COL2A1: variants seen among roughly 807,000 people sequenced by gnomAD.
The protein encoded by COL2A1 is collagen alpha-1(II) chain.
COL2A1 carries 28 observed loss-of-function variants against 204.5 expected under a neutral mutation model. The observed-to-expected ratio is 0.14, with a 90% CI of 0.10 to 0.19. COL2A1 has a LOEUF of 0.19. Among genes scored for constraint, COL2A1 ranks in the 10% least tolerant of loss-of-function variants. COL2A1 has a pLI of 1.00. For missense variants in COL2A1, 1,388 were observed against 2,027.5 expected (o/e 0.68, Z 6.06); for synonymous variants, 708 against 718.7 (o/e 0.99, Z 0.24).
intron 27 of COL2A1, 35 bp from the exon 28 acceptor site, chr12:47,984,634 T>C: frequency 6.2e-7 from 1 of 1,609,470 alleles, no homozygotes; most frequent in Non-Finnish European, 8.5e-7. Context: ...ATGAGGCGGA[T>C]GGTTTGGGAG....
chr12:47,985,507 C>T (rs1331775886), intron 26 of COL2A1, 27 bp downstream of exon 26: 2 of 1,611,054 alleles, frequency 1.2e-6, no homozygotes, highest in South Asian at 1.1e-5. Context: ...CCCCACCCTC[C>T]TAGCAGCCCT....
intron 22 of COL2A1, 128 bp from the exon 23 acceptor site, chr12:47,986,571 G>A (rs1180494543): frequency 1.4e-6 from 1 of 727,160 alleles, no homozygotes; most frequent in Non-Finnish European, 2.4e-6. Context: ...GAGGACGAGA[G>A]GCCATAAAGG....
intron 21 of COL2A1, 78 bp from the exon 22 acceptor site, chr12:47,986,966 C>A: frequency 6.3e-7 from 1 of 1,598,434 alleles, no homozygotes; most frequent in East Asian, 2.2e-5. Flanking sequence ...GTTCAAGATG[C>A]CCTCGGATGG....
chr12:47,984,214 A>G, intron 28 of COL2A1, 74 bp from the exon 29 acceptor site: 1 of 1,415,692 alleles, frequency 7.1e-7, no homozygotes, highest in Non-Finnish European at 9.8e-7. Flanking sequence ...GATTGGGCAA[A>G]GGTACTTCTG....
In COL2A1 at chr12:47,975,377, G is replaced by A. The variant is rs369672046; in HGVS notation, c.3826C>T (p.Arg1276Cys). Residue 1276 changes from arginine to cysteine, a missense_variant, in exon 51 of 54, where the codon CGC (arginine) becomes TGC (cysteine). Arg to Cys is a radical substitution (Grantham distance 180). This residue lies in a region of COL2A1 where 303 missense variants were observed against 369.2 expected (regional missense o/e 0.82). Coordinates refer to ENST00000380518, the MANE Select transcript of COL2A1 (RefSeq NM_001844.5). ...IESIRSPEGSRKNPARTCRDL... is the reference protein window; with the variant it reads ...IESIRSPEGSCKNPARTCRDL... ...CTGCAGGTGCGAGCAGGGTTCTTGC[G>A]GGAGCCCTCGGGGCTGCGGATGCTC... 10 of 1,614,054 alleles carry A rather than the reference G, an allele frequency of 6.2e-6. No individual in the cohort carries two copies. The highest frequency in any genetic ancestry group is 2.2e-5 in the South Asian group (2 of 91,084).
chr12:47,981,347 G>A lies in COL2A1; in HGVS notation c.2459C>T (p.Ala820Val). 1 of 1,612,890 alleles carries A rather than the reference G, an allele frequency of 6.2e-7. No homozygotes were observed. Among genetic ancestry groups the A allele is most frequent in the Non-Finnish European group, 8.5e-7 (1 of 1,179,860 alleles). ...GPAGSAGARGAPGERGETGPP... is the reference protein window; with the variant it reads ...GPAGSAGARGVPGERGETGPP... ...CTCAGAGGGGCAGACACTCACCGGA[G>A]CGCCACGAGCACCAGCACTTCCTGC... The change falls in exon 37 of 54, where the codon GCT becomes GTT. Residue 820 changes from alanine (A) to valine (V), a missense_variant. Physicochemically the swap from Ala to Val is moderately conservative, Grantham distance 64. This residue lies in a region of COL2A1 where 884 missense variants were observed against 1,415.8 expected (regional missense o/e 0.62). Transcript: ENST00000380518.
At chr12:47,999,655 T>TTTTA in intron 2 of COL2A1, 1 of 185,846 alleles carries the variant, frequency 5.4e-6, no homozygotes, top group Non-Finnish European at 1.1e-5. Context: ...TTTTTTTTTG[T>TTTTA]AGAATCACAT....
chr12:48,003,679 T>C (rs1318739494), intron 1 of COL2A1, among the ~76,000 whole-genome samples: 1 of 152,166 alleles, frequency 6.6e-6, no homozygotes, highest in Non-Finnish European at 1.5e-5. Context: ...CTTTGTGGCC[T>C]GGGATTTCAG....
intron 15 of COL2A1, 68 bp from the exon 16 acceptor site, chr12:47,992,999 C>A: frequency 6.8e-7 from 1 of 1,474,876 alleles, no homozygotes; most frequent in South Asian, 1.2e-5. Context: ...CCATTTCTAC[C>A]TGCAGGCCCT....
intron 1 of COL2A1, chr12:48,001,080 C>G (rs987890289): frequency 2.0e-5 from 3 of 152,478 alleles, no homozygotes; most frequent in East Asian, 3.9e-4. Flanking sequence ...AGCGCCCTGC[C>G]GTCTGGAATT....
chr12:47,973,541 T>G lies in COL2A1; in HGVS notation c.4330A>C (p.Lys1444Gln). The G allele has an allele frequency of 6.2e-7, 1 of 1,614,032 alleles. No homozygotes were observed. The highest frequency in any genetic ancestry group is 8.5e-7 in the Non-Finnish European group (1 of 1,180,006). Residue 1444 changes from lysine to glutamine, a missense_variant, in exon 54 of 54, where the codon AAG becomes CAG. By Grantham distance (53) the Lys-to-Gln change is moderately conservative. Transcript: ENST00000380518. ...TACTCGATAACAGTCTTGCCCCACT[T>G]ACCGGTATGTTTCTAGGGGAGAAAA... is the stretch of plus-strand genomic sequence containing the variant. ...LKDGCTKHTG[K>Q]WGKTVIEYRS...
intron 36 of COL2A1, 141 bp downstream of exon 36, chr12:47,981,635 G>T (rs2136543421): frequency 9.2e-7 from 1 of 1,091,870 alleles, no homozygotes; most frequent in Non-Finnish European, 1.4e-6. Context: ...TCACTTCTGA[G>T]AGGGCCCCCT....
At chr12:47,992,636 T>C (rs1320248326) in intron 16 of COL2A1, among the ~76,000 whole-genome samples, 1 of 152,178 alleles carries the variant, frequency 6.6e-6, no homozygotes. Flanking sequence ...AGGGATTACC[T>C]GATAATCTGG....
chr12:47,994,856 C>A (rs1040699179), intron 11 of COL2A1, among the ~76,000 whole-genome samples: 3 of 152,180 alleles, frequency 2.0e-5, no homozygotes, highest in African/African-American at 7.2e-5. Flanking sequence ...CGTTTGCATC[C>A]TTTGTAGACA....
chr12:47,978,229 G>A lies in COL2A1; in HGVS notation c.3003+62C>T. ...AGGGACAGTCCTGAGGGTGCTGAGGGAGGTAGAAGCCTTGGCAGGCAGGGC... is the reference window on the plus strand; with the variant it reads ...AGGGACAGTCCTGAGGGTGCTGAGGAAGGTAGAAGCCTTGGCAGGCAGGGC... On this transcript the variant is annotated intron_variant, in intron 43 of 53. Transcript: ENST00000380518. The surrounding 1 kb of genome is among the most constrained non-coding windows in gnomAD (Gnocchi z 5.5). 1 of 1,596,834 alleles carries A rather than the reference G, an allele frequency of 6.3e-7. No homozygotes were observed. Among genetic ancestry groups the A allele is most frequent in the Admixed American group, 1.7e-5 (1 of 59,090 alleles).
chr12:47,973,648 A>G (rs972416174), intron 53 of COL2A1, 95 bp from the exon 54 acceptor site: 22 of 1,465,898 alleles, frequency 1.5e-5, no homozygotes, highest in African/African-American at 1.4e-5. Flanking sequence ...ACTGGCGAGC[A>G]TCAGAGCCCA....
chr12:47,974,010 A>T (rs751224436), intron 53 of COL2A1, 79 bp downstream of exon 53: 21 of 1,608,402 alleles, frequency 1.3e-5, no homozygotes, highest in Non-Finnish European at 1.7e-5. Context: ...AGGACCTGAC[A>T]GCTGCCGCGG....
intron 2 of COL2A1, among the ~76,000 whole-genome samples, chr12:47,999,295 A>G (rs1440306322): frequency 1.3e-5 from 2 of 152,208 alleles, no homozygotes; most frequent in Non-Finnish European, 2.9e-5. Flanking sequence ...GTGCAGATAC[A>G]TGGGGCTCTG....
chr12:47,980,019 T>C lies in COL2A1; in HGVS notation c.2669A>G (p.Gln890Arg). ...AGAGGCCTCACTCACCGGGGGGCCTTGGGCACCTCGGGCTCCTTTAGGACC... is the reference window on the plus strand; with the variant it reads ...AGAGGCCTCACTCACCGGGGGGCCTCGGGCACCTCGGGCTCCTTTAGGACC... ...VTGPKGARGA[Q>R]GPPGATGFPG... The change falls in exon 40 of 54, where the codon CAA becomes CGA. Residue 890 changes from glutamine (Q) to arginine (R), a missense_variant. By Grantham distance (43) the Gln-to-Arg change is conservative. This residue lies in a region of COL2A1 where 884 missense variants were observed against 1,415.8 expected (regional missense o/e 0.62). Transcript: ENST00000380518. The surrounding 1 kb of genome is among the most constrained non-coding windows in gnomAD (Gnocchi z 4.5). 6.4e-7 allele frequency: 1 copy of C among 1,555,110 alleles called. No individual in the cohort carries two copies. The highest frequency in any genetic ancestry group is 8.7e-7 in the Non-Finnish European group (1 of 1,149,344).
Sources: gnomAD v4.1 joint callset for allele counts (sites outside exome capture counted in the v4.1 genomes callset) on GRCh38, gnomAD v4.1.1 for gene constraint, gnomAD v4.1.1 regional missense constraint, Gnocchi (gnomAD v3.1) non-coding constraint, MANE v1.5 for transcripts, NCBI Gene and HGNC (gene_info 2026-07-23, HGNC 2026-07-21) for gene names.